Variants in DNAH11 observed in about 807,000 individuals in gnomAD.
The protein encoded by DNAH11 is axonemal beta dynein heavy chain 11.
A neutral mutation model predicts 526.0 loss-of-function variants in DNAH11; 442 were observed. The observed-to-expected ratio is 0.84, with a 90% CI of 0.78 to 0.91. DNAH11 has a LOEUF of 0.91. Among genes scored for constraint, DNAH11 ranks in the 40% least tolerant of loss-of-function variants. DNAH11 has a pLI of 0.00. For synonymous variants in DNAH11, 2,461 were observed against 1,935.9 expected (o/e 1.27, Z -7.12); for missense variants, 6,989 against 5,448.7 (o/e 1.28, Z -8.90).
intron 57 of DNAH11, among the ~76,000 whole-genome samples, chr7:21,782,059 G>T (rs970994940): frequency 6.6e-6 from 1 of 152,202 alleles, no homozygotes; most frequent in South Asian, 2.1e-4. Context: ...ACAGTCACAT[G>T]GTGAGCTTGG....
In DNAH11 at chr7:21,749,695, G is replaced by T; in HGVS notation, c.8691G>T (p.Leu2897Phe). ...IQELRVDLAN[L>F]YIRTGAKNMP... ...CCTTACAGGTAGATCTTGCCAATTTGTACATCCGAACTGGAGCCAAGAACA... is the reference window on the plus strand; with the variant it reads ...CCTTACAGGTAGATCTTGCCAATTTTTACATCCGAACTGGAGCCAAGAACA... The change falls in exon 53 of 82, where the codon TTG becomes TTT. Residue 2897 changes from leucine to phenylalanine, a missense_variant. By Grantham distance (22) the Leu-to-Phe change is conservative. Coordinates refer to ENST00000409508, the MANE Select transcript of DNAH11 (RefSeq NM_001277115.2). 6.2e-7 allele frequency: 1 copy of T among 1,613,910 alleles called. No homozygotes were observed. The highest frequency in any genetic ancestry group is 2.2e-5 in the East Asian group (1 of 44,872).
At chr7:21,842,490 T>C in intron 65 of DNAH11, 54 bp from the exon 66 acceptor site, 4 of 1,424,008 alleles carry the variant, frequency 2.8e-6, no homozygotes, top group Non-Finnish European at 3.9e-6. Context: ...GACACCGTAG[T>C]ATCAGTTATG....
intron 27 of DNAH11, among the ~76,000 whole-genome samples, chr7:21,638,483 T>C (rs373828155): frequency 9.2e-5 from 14 of 152,280 alleles, no homozygotes; most frequent in East Asian, 1.9e-4. Context: ...CTCCTCTGAA[T>C]ACCTGACAGG....
At chr7:21,859,402 C>A (rs182650513) in intron 68 of DNAH11, among the ~76,000 whole-genome samples, 101 of 152,310 alleles carry the variant, frequency 6.6e-4, no homozygotes, top group Admixed American at 1.0e-3. Context: ...GCATGAGCCA[C>A]AAGCCCAACC....
At chr7:21,789,107 G>A in intron 60 of DNAH11, 134 bp from the exon 61 acceptor site, 1 of 660,966 alleles carries the variant, frequency 1.5e-6, no homozygotes, top group African/African-American at 1.8e-5. Flanking sequence ...TGAGCAACAT[G>A]AGAAGACCCC....
chr7:21,560,017 T>C (rs923750297), intron 4 of DNAH11, among the ~76,000 whole-genome samples: 11 of 152,202 alleles, frequency 7.2e-5, no homozygotes, highest in Non-Finnish European at 1.5e-4. Context: ...ATTGGAAATA[T>C]TGTGCTACCT....
At chr7:21,684,434 T>C (rs62445278) in intron 32 of DNAH11, among the ~76,000 whole-genome samples, 17,910 of 152,226 alleles carry the variant, frequency 0.12, 1,344 homozygotes, top group Non-Finnish European at 0.16. Context: ...TACTTTCTAG[T>C]AAGTGGGGGT....
At chr7:21,850,926 G>T (rs529098592) in intron 66 of DNAH11, among the ~76,000 whole-genome samples, 1 of 152,220 alleles carries the variant, frequency 6.6e-6, no homozygotes, top group East Asian at 1.9e-4. Context: ...CAATGTGTTG[G>T]TAAGGTATTA....
intron 2 of DNAH11, among the ~76,000 whole-genome samples, chr7:21,550,144 AT>A (rs924681008): frequency 8.6e-5 from 13 of 150,530 alleles, no homozygotes; most frequent in Non-Finnish European, 1.5e-4. Context: ...TCTCCCTTCC[AT>A]TTTTTTTTAA....
At chr7:21,651,376 T>A (rs554272268) in intron 28 of DNAH11, among the ~76,000 whole-genome samples, 53 of 152,280 alleles carry the variant, frequency 3.5e-4, no homozygotes, top group African/African-American at 1.2e-3. Context: ...TTATTTATTT[T>A]TTTTGAGACA....
chr7:21,553,219 C>T (rs1474466416), intron 2 of DNAH11, among the ~76,000 whole-genome samples: 1 of 151,760 alleles, frequency 6.6e-6, no homozygotes, highest in Non-Finnish European at 1.5e-5. Flanking sequence ...TTTGGGAGGC[C>T]CATTATTACT....
chr7:21,819,913 C>A (rs1327586858), intron 65 of DNAH11, among the ~76,000 whole-genome samples: 2 of 152,120 alleles, frequency 1.3e-5, no homozygotes, highest in East Asian at 3.9e-4. Context: ...ATGAATTGAT[C>A]ATATCATTCT....
chr7:21,789,718 T>A (rs1788352973), intron 61 of DNAH11, among the ~76,000 whole-genome samples: 1 of 152,134 alleles, frequency 6.6e-6, no homozygotes, highest in South Asian at 2.1e-4. Context: ...AGCCTCTGTT[T>A]TCTCATCTGT....
intron 30 of DNAH11, among the ~76,000 whole-genome samples, chr7:21,678,713 G>T (rs1783010880): frequency 1.3e-5 from 2 of 152,058 alleles, no homozygotes; most frequent in East Asian, 1.9e-4. Flanking sequence ...CCATTTATTT[G>T]TGTCTTTAAT....
At chr7:21,863,223 C>T (rs887298970) in intron 69 of DNAH11, among the ~76,000 whole-genome samples, 2 of 152,200 alleles carry the variant, frequency 1.3e-5, no homozygotes, top group Non-Finnish European at 2.9e-5. Flanking sequence ...AGGTCTATGT[C>T]TTACCTATTC....
At chr7:21,641,598 C>CA (rs1304783428) in intron 28 of DNAH11, among the ~76,000 whole-genome samples, 3 of 152,174 alleles carry the variant, frequency 2.0e-5, no homozygotes, top group African/African-American at 7.2e-5. Context: ...TTTAAATCAT[C>CA]AAAAAATCCT....
intron 20 of DNAH11, among the ~76,000 whole-genome samples, chr7:21,614,193 T>A (rs921185742): frequency 6.6e-6 from 1 of 152,168 alleles, no homozygotes; most frequent in Non-Finnish European, 1.5e-5. Context: ...TATTTAAAGT[T>A]CAAAGAAACT....
At position 21,774,392 on chromosome 7, in the gene DNAH11, G is replaced by A. The variant is rs117211839; in HGVS notation, c.9336+393G>A. 1.4e-3 allele frequency among the ~76,000 whole-genome samples: 207 copies of A among 152,184 alleles called. 7 individuals are homozygous for A. The East Asian group carries it at 0.031, about 23-fold the overall frequency. On this transcript the variant is annotated intron_variant, in intron 56 of 81. Coordinates refer to ENST00000409508, the MANE Select transcript of DNAH11 (RefSeq NM_001277115.2). ...ACCTCCAGTGAGGGCATCATTTTCT[G>A]GCTAATGACTGTGGCGAGATCCCAA... is the stretch of plus-strand genomic sequence containing the variant.
intron 51 of DNAH11, among the ~76,000 whole-genome samples, chr7:21,745,453 G>A (rs1786102876): frequency 6.6e-6 from 1 of 152,136 alleles, no homozygotes; most frequent in Non-Finnish European, 1.5e-5. Flanking sequence ...AATGGGGGAG[G>A]GCTCATGCTT....
Sources: gnomAD v4.1 joint callset for allele counts (sites outside exome capture counted in the v4.1 genomes callset) on GRCh38, gnomAD v4.1.1 for gene constraint, MANE v1.5 for transcripts, NCBI Gene and HGNC (gene_info 2026-07-23, HGNC 2026-07-21) for gene names.